TERT: variants seen among roughly 807,000 people sequenced by gnomAD.
TERT encodes telomerase catalytic subunit.
In TERT, 42 loss-of-function variants were observed where a neutral mutation model predicts 104.0. The observed-to-expected ratio is 0.40, with a 90% CI of 0.32 to 0.52. The LOEUF is 0.52. Among genes scored for constraint, TERT ranks in the 20% least tolerant of loss-of-function variants. The probability of loss-of-function intolerance (pLI) is 0.43; values close to 1 mark genes in which losing one functional copy is unlikely to be tolerated. For synonymous variants in TERT, 781 were observed against 725.6 expected (o/e 1.08, Z -1.23); for missense variants, 1,101 against 1,610.3 (o/e 0.68, Z 5.41).
chr5:1,258,233 T>A (rs978673472), intron 13 of TERT, among the ~76,000 whole-genome samples: 1 of 152,202 alleles, frequency 6.6e-6, no homozygotes, highest in Admixed American at 6.5e-5. Flanking sequence ...CCTCCGGGCA[T>A]CTGATCTCCC....
In TERT at chr5:1,292,332, G is replaced by A. The variant is rs1338511432; in HGVS notation, c.1573+981C>T. Among the ~76,000 whole-genome samples the A allele has an allele frequency of 1.3e-5, 2 of 151,960 alleles. No homozygotes were observed. Among genetic ancestry groups the A allele is most frequent in the Admixed American group, 6.6e-5 (1 of 15,250 alleles). On this transcript the variant is annotated intron_variant, in intron 2 of 15. Transcript: ENST00000310581. The surrounding 1 kb of genome is among the most constrained non-coding windows in gnomAD (Gnocchi z 5.5). ...ATCCAGAAAAACAGGGTGGGGACAC[G>A]GCAGGGCCCAGCAGCACCATCCCCT...
At position 1,293,510 on chromosome 5, in the gene TERT, C is replaced by T; in HGVS notation, c.1376G>A (p.Trp459Ter). 1 of 1,574,566 alleles carries T rather than the reference C, an allele frequency of 6.4e-7. No individual in the cohort carries two copies. The highest frequency in any genetic ancestry group is 8.6e-7 in the Non-Finnish European group (1 of 1,160,584). ...GGCCCGCACGAAGCCGTACACCTGC[C>T]AGGGGCTGCTGTGCTGGCGGAGCAG... The part of the protein sequence containing the change: ...VQLLRQHSSP[W>*]QVYGFVRACL... The change falls in exon 2 of 16, where the codon TGG becomes TAG. Residue 459 changes from tryptophan (W) to a stop codon, truncating the protein, a stop_gained. Coordinates refer to ENST00000310581, the MANE Select transcript of TERT (RefSeq NM_198253.3). LOFTEE classifies it high-confidence loss of function.
At position 1,295,020 on chromosome 5, in the gene TERT, C is replaced by T. The variant is rs990029964; in HGVS notation, c.-31G>A. On this transcript the variant is annotated 5_prime_UTR_variant, in exon 1 of 16. The change creates a new upstream start codon in the 5' untranslated region. Coordinates refer to ENST00000310581, the MANE Select transcript of TERT (RefSeq NM_198253.3). ...GGGTGGCCGGGGCCAGGGCTTCCCACGTGCGCAGCAGGACGCAGCGCTGCC... is the reference window on the plus strand; with the variant it reads ...GGGTGGCCGGGGCCAGGGCTTCCCATGTGCGCAGCAGGACGCAGCGCTGCC... 1.6e-6 allele frequency: 2 copies of T among 1,278,918 alleles called. No homozygotes were observed. Among genetic ancestry groups the T allele is most frequent in the Non-Finnish European group, 2.0e-6 (2 of 1,012,410 alleles). 79.2% of individuals were successfully genotyped at this position (1,278,918 alleles called of 1,614,324 possible).
chr5:1,273,140 GCCATCCACAGTCACCAC>G (rs1749234288), intron 6 of TERT, among the ~76,000 whole-genome samples: 4 of 6,316 alleles, frequency 6.3e-4, no homozygotes, highest in South Asian at 0.013. Flanking sequence ...CCCCACGACC[GCCATCCACAGTCACCAC>G]ATCAGACCCC....
At chr5:1,277,469 A>T (rs1174461848) in intron 6 of TERT, among the ~76,000 whole-genome samples, 5 of 152,188 alleles carry the variant, frequency 3.3e-5, no homozygotes, top group Non-Finnish European at 7.3e-5. Flanking sequence ...GGCGTTCAGC[A>T]TAGCTGAGGC....
At chr5:1,272,133 G>A in intron 7 of TERT, 52 bp downstream of exon 7, 1 of 1,419,930 alleles carries the variant, frequency 7.0e-7, no homozygotes, top group East Asian at 2.5e-5. Flanking sequence ...TTGCCCAGGG[G>A]AGGACCCACT....
chr5:1,285,988 A>T (rs1365283234), intron 2 of TERT, among the ~76,000 whole-genome samples: 1 of 152,016 alleles, frequency 6.6e-6, no homozygotes, highest in East Asian at 1.9e-4. Flanking sequence ...CTCCCCCGCC[A>T]GGCAGCACCG....
rs776132221 is a variant in TERT, at chr5:1,293,297, G to C, written c.1573+16C>G. On this transcript the variant is annotated intron_variant, in intron 2 of 15. Coordinates refer to ENST00000310581, the MANE Select transcript of TERT (RefSeq NM_198253.3). The stretch of plus-strand genomic sequence containing the variant: ...AGCTCTGGGGCCTGGGCCCTCGACG[G>C]CCACCACCTCCTCACCTGGGCTCCT... 1 of 1,612,078 alleles carries C rather than the reference G, an allele frequency of 6.2e-7. No homozygotes were observed. Among genetic ancestry groups the C allele is most frequent in the Non-Finnish European group, 8.5e-7 (1 of 1,179,978 alleles).
intron 11 of TERT, 103 bp from the exon 12 acceptor site, chr5:1,260,703 TG>T: frequency 6.5e-7 from 1 of 1,542,068 alleles, no homozygotes; most frequent in Non-Finnish European, 8.8e-7. Flanking sequence ...CCCGCTTCCT[TG>T]TCCTGCCTGG....
At chr5:1,272,412 T>A (rs1749115423) in intron 6 of TERT, 132 bp from the exon 7 acceptor site, 4 of 870,342 alleles carry the variant, frequency 4.6e-6, no homozygotes, top group Non-Finnish European at 7.6e-6. Context: ...AGAGAGCGCC[T>A]GGGAAGCTTC....
Position 1,280,378 on chromosome 5 carries a change from C to A in TERT, c.1770-40G>T, listed in dbSNP as rs754330994. 3.7e-6 allele frequency: 6 copies of A among 1,602,076 alleles called. No homozygotes were observed. In the Admixed American group the frequency reaches 1.0e-4, roughly 27 times the overall value. Reference sequence around the variant, plus strand: ...CCCTCAGGAGGCTTGCTCAGCCAGACAACAGACTAGGGGGAAGCTCACGGG... The same window carrying A: ...CCCTCAGGAGGCTTGCTCAGCCAGAAAACAGACTAGGGGGAAGCTCACGGG... On this transcript the variant is annotated intron_variant, in intron 3 of 15. Coordinates refer to ENST00000310581, the MANE Select transcript of TERT (RefSeq NM_198253.3).
At chr5:1,267,004 C>T (rs1020535472) in intron 9 of TERT, among the ~76,000 whole-genome samples, 25 of 152,244 alleles carry the variant, frequency 1.6e-4, no homozygotes, top group Non-Finnish European at 2.2e-4. Flanking sequence ...CCAAGCCCAG[C>T]GCCCCATGAC....
intron 6 of TERT, among the ~76,000 whole-genome samples, chr5:1,277,179 G>A (rs1041462895): frequency 2.0e-5 from 3 of 152,168 alleles, no homozygotes; most frequent in East Asian, 1.9e-4. Context: ...AGCGGCCACC[G>A]GAGGCATCGC....
chr5:1,265,222 C>T lies in TERT; in HGVS notation c.2655-630G>A, dbSNP rs1348773455. Among the ~76,000 whole-genome samples, 1 of 152,176 alleles carries T rather than the reference C, an allele frequency of 6.6e-6. No individual in the cohort carries two copies. Among genetic ancestry groups the T allele is most frequent in the Non-Finnish European group, 1.5e-5 (1 of 68,018 alleles). Reference sequence around the variant, plus strand: ...TGTGCCCGGTAGCCTCTGCTCTGGCCTGGGCATCCCCTTCCCTTCCTGCGG... The same window carrying T: ...TGTGCCCGGTAGCCTCTGCTCTGGCTTGGGCATCCCCTTCCCTTCCTGCGG... On this transcript the variant is annotated intron_variant, in intron 10 of 15. Transcript: ENST00000310581. This position sits in a 1 kb window ranked among gnomAD's most constrained non-coding sequence, Gnocchi z 6.9.
Position 1,293,936 on chromosome 5 carries a change from C to G in TERT, c.950G>C (p.Trp317Ser). Reference protein sequence around the residue: ...PPSTSRPPRPWDTPCPPVYAE... With the variant: ...PPSTSRPPRPSDTPCPPVYAE... ...GTACACCGGGGGACAAGGCGTGTCC[C>G]AGGGACGTGGTGGCCGCGATGTGGA... The change falls in exon 2 of 16, where the codon TGG becomes TCG. Residue 317 changes from tryptophan to serine, a missense_variant. Physicochemically the swap from Trp to Ser is radical, Grantham distance 177. Transcript: ENST00000310581. The G allele has an allele frequency of 6.5e-7, 1 of 1,544,856 alleles. No homozygotes were observed. The highest frequency in any genetic ancestry group is 8.7e-7 in the Non-Finnish European group (1 of 1,148,168).
rs749954812 is a variant in TERT at position 1,280,140 on chromosome 5, A to T, written c.1950+18T>A. Reference sequence around the variant, plus strand: ...CGCACTTCTGTTTAAAAAGGAAGTTAAACCAAAGCACAGCCACCCTCTTTT... The same window carrying T: ...CGCACTTCTGTTTAAAAAGGAAGTTTAACCAAAGCACAGCCACCCTCTTTT... On this transcript the variant is annotated intron_variant, in intron 4 of 15. Coordinates refer to ENST00000310581, the MANE Select transcript of TERT (RefSeq NM_198253.3). 3.7e-6 allele frequency: 6 copies of T among 1,613,806 alleles called. No homozygotes were observed. Among genetic ancestry groups the T allele is most frequent in the Non-Finnish European group, 4.2e-6 (5 of 1,180,004 alleles).
In TERT at chr5:1,279,308, C is replaced by T; in HGVS notation, c.2113G>A (p.Glu705Lys). Reference sequence around the variant, plus strand: ...GCACCCACCTTGACAAAGTACAGCTCAGGCGGCGGGTCCTGGGCCCGCACA... The same window carrying T: ...GCACCCACCTTGACAAAGTACAGCTTAGGCGGCGGGTCCTGGGCCCGCACA... ...LRVRAQDPPP[E>K]LYFVKVDVTG... The change falls in exon 5 of 16, where the codon GAG (glutamate) becomes AAG (lysine). Residue 705 changes from glutamate to lysine, a missense_variant. Physicochemically the swap from Glu to Lys is moderately conservative, Grantham distance 56 (BLOSUM62 1). Around this residue, in one of 5 missense-constraint regions of TERT, gnomAD observed 463 missense variants for 797.5 expected, o/e 0.58. Coordinates refer to ENST00000310581, the MANE Select transcript of TERT (RefSeq NM_198253.3). 1 of 1,583,812 alleles carries T rather than the reference C, an allele frequency of 6.3e-7. No homozygotes were observed. Among genetic ancestry groups the T allele is most frequent in the Non-Finnish European group, 8.6e-7 (1 of 1,167,296 alleles).
intron 2 of TERT, among the ~76,000 whole-genome samples, chr5:1,284,911 C>G (rs553111847): frequency 2.0e-5 from 3 of 149,856 alleles, no homozygotes; most frequent in Non-Finnish European, 3.0e-5. Flanking sequence ...CATCCAGACA[C>G]CGCACACCCA....
chr5:1,292,380 T>C lies in TERT; in HGVS notation c.1573+933A>G, dbSNP rs1198312250. On this transcript the variant is annotated intron_variant, in intron 2 of 15. Coordinates refer to ENST00000310581, the MANE Select transcript of TERT (RefSeq NM_198253.3). This position sits in a 1 kb window ranked among gnomAD's most constrained non-coding sequence, Gnocchi z 5.5. ...CCTGAACACCCACAAACACTGTCCCTTCCTCAGCAGGTGGAGCCATCTGCT... is the reference window on the plus strand; with the variant it reads ...CCTGAACACCCACAAACACTGTCCCCTCCTCAGCAGGTGGAGCCATCTGCT... 1.3e-5 allele frequency among the ~76,000 whole-genome samples: 2 copies of C among 152,116 alleles called. No homozygotes were observed. The highest frequency in any genetic ancestry group is 2.1e-4 in the South Asian group (1 of 4,820).
Sources: allele counts gnomAD v4.1 joint callset (sites outside exome capture counted in the v4.1 genomes callset), GRCh38; gene constraint gnomAD v4.1.1; regional missense constraint gnomAD v4.1.1; non-coding constraint Gnocchi (gnomAD v3.1); transcripts MANE v1.5; gene names NCBI Gene and HGNC (gene_info 2026-07-23, HGNC 2026-07-21).